DNAJC8: variants seen among roughly 807,000 people sequenced by gnomAD.
DNAJC8 encodes the protein dnaJ homolog subfamily C member 8.
A neutral mutation model predicts 43.2 loss-of-function variants in DNAJC8; 24 were observed. That is an observed-to-expected ratio of 0.56 (90% confidence interval 0.40 to 0.78). The LOEUF is 0.78. Among genes scored for constraint, DNAJC8 ranks in the 30% least tolerant of loss-of-function variants. The probability of loss-of-function intolerance (pLI) is 0.00; values close to 1 mark genes in which losing one functional copy is unlikely to be tolerated. For missense variants in DNAJC8, 207 were observed against 299.4 expected, an observed-to-expected ratio of 0.69 and a Z score of 2.28; for synonymous variants, 83 against 98.0, an observed-to-expected ratio of 0.85 and a Z score of 0.90.
intron 3 of DNAJC8, among the ~76,000 whole-genome samples, chr1:28,212,011 G>T (rs1486340651): frequency 6.6e-6 from 1 of 150,476 alleles, no homozygotes; most frequent in East Asian, 2.0e-4. Flanking sequence ...CAAAAATTTG[G>T]CAGGCACAGT....
At chr1:28,206,310 G>T (rs1646768069) in intron 6 of DNAJC8, among the ~76,000 whole-genome samples, 1 of 152,090 alleles carries the variant, frequency 6.6e-6, no homozygotes, top group Non-Finnish European at 1.5e-5. Context: ...AGAGTGCAGT[G>T]GTGTGATCAT....
intron 2 of DNAJC8, among the ~76,000 whole-genome samples, chr1:28,218,407 T>C (rs1327542696): frequency 4.6e-5 from 7 of 151,600 alleles, no homozygotes; most frequent in African/African-American, 1.7e-4. Flanking sequence ...AAGCAACACT[T>C]CTTTAAACAA....
Position 28,214,996 on chromosome 1 carries a change from C to A in DNAJC8, c.181G>T (p.Val61Phe). ...GTAACTTCAGGATCTATCTGAAGAA[C>A]CTGGAAGTATCAAAATCAAAACCAT... is the stretch of plus-strand genomic sequence containing the variant. Reference protein sequence around the residue: ...SSYFNLNPFEVLQIDPEVTDE... With the variant: ...SSYFNLNPFEFLQIDPEVTDE... Residue 61 changes from valine (V) to phenylalanine (F), a missense_variant and splice_region_variant, in exon 3 of 9, where the codon GTT (valine) becomes TTT (phenylalanine). By Grantham distance (50) the Val-to-Phe change is conservative. Coordinates refer to ENST00000263697, the MANE Select transcript of DNAJC8 (RefSeq NM_014280.3). The A allele has an allele frequency of 6.2e-7, 1 of 1,605,090 alleles. No individual in the cohort carries two copies. Among genetic ancestry groups the A allele is most frequent in the East Asian group, 2.2e-5 (1 of 44,664 alleles).
chr1:28,204,000 C>T (rs1431782470), intron 7 of DNAJC8, among the ~76,000 whole-genome samples, 178 bp from the exon 8 acceptor site: 2 of 152,132 alleles, frequency 1.3e-5, no homozygotes, highest in African/African-American at 2.4e-5. Context: ...TTCTAAAACA[C>T]GCAGATCAGA....
Position 28,208,413 on chromosome 1 carries a change from C to T in DNAJC8, c.400G>A (p.Val134Met), listed in dbSNP as rs1440490783. 1 of 1,609,492 alleles carries T rather than the reference C, an allele frequency of 6.2e-7. No individual in the cohort carries two copies. The highest frequency in any genetic ancestry group is 8.5e-7 in the Non-Finnish European group (1 of 1,177,090). The stretch of plus-strand genomic sequence containing the variant: ...TTTAATTGTTTTTTTCGCTCTTTCA[C>T]CTAAAAAGAATTTTTTTTCATCAAA... ...QAGKEYVEHT[V>M]KERKKQLKKE... is the part of the protein sequence containing the mutation. Residue 134 changes from valine (V) to methionine (M), a missense_variant and splice_region_variant, in exon 6 of 9, where the codon GTG becomes ATG. Coordinates refer to ENST00000263697, the MANE Select transcript of DNAJC8 (RefSeq NM_014280.3).
intron 2 of DNAJC8, among the ~76,000 whole-genome samples, chr1:28,227,280 G>C (rs545206076): frequency 2.0e-5 from 3 of 149,038 alleles, no homozygotes; most frequent in Non-Finnish European, 4.5e-5. Flanking sequence ...ATGGAGGCAG[G>C]CACCTGTAAT....
At chr1:28,210,135 G>A (rs752177956) in intron 4 of DNAJC8, 69 bp from the exon 5 acceptor site, 11 of 1,345,840 alleles carry the variant, frequency 8.2e-6, no homozygotes, top group African/African-American at 2.9e-5. Context: ...TACTCAGGCA[G>A]TGTAAATGGA....
Position 28,210,010 on chromosome 1 carries a change from C to T in DNAJC8, c.361G>A (p.Asp121Asn). The change falls in exon 5 of 9, where the codon GAT (aspartate) becomes AAT (asparagine). Residue 121 changes from aspartate (D) to asparagine (N), a missense_variant. Physicochemically the swap from Asp to Asn is conservative, Grantham distance 23 (BLOSUM62 1). Coordinates refer to ENST00000263697, the MANE Select transcript of DNAJC8 (RefSeq NM_014280.3). ...LDQEQKKRAL[D>N]VIQAGKEYVE... ...TATTCTTTTCCTGCCTGAATTACAT[C>T]CAGGGCCCTCTTCTTTTGCTCCTGA... 6.2e-7 allele frequency: 1 copy of T among 1,614,058 alleles called. No homozygotes were observed. Among genetic ancestry groups the T allele is most frequent in the Non-Finnish European group, 8.5e-7 (1 of 1,179,938 alleles).
intron 2 of DNAJC8, among the ~76,000 whole-genome samples, chr1:28,216,194 C>T (rs1403249408): frequency 6.6e-6 from 1 of 152,078 alleles, no homozygotes; most frequent in Admixed American, 6.5e-5. Flanking sequence ...ACTAAAAATA[C>T]AATATTAGCC....
intron 2 of DNAJC8, among the ~76,000 whole-genome samples, chr1:28,226,002 C>T (rs181170243): frequency 6.6e-6 from 1 of 150,624 alleles, no homozygotes; most frequent in Admixed American, 6.6e-5. Flanking sequence ...CCACACCTGG[C>T]CAAAATGGCA....
chr1:28,222,343 G>A (rs966204509), intron 2 of DNAJC8, among the ~76,000 whole-genome samples: 3 of 151,716 alleles, frequency 2.0e-5, no homozygotes, highest in Admixed American at 6.6e-5. Flanking sequence ...AAAATTAGCC[G>A]GATGTGGTGG....
chr1:28,203,085 T>C (rs1646747931), intron 8 of DNAJC8, among the ~76,000 whole-genome samples: 1 of 152,208 alleles, frequency 6.6e-6, no homozygotes, highest in South Asian at 2.1e-4. Context: ...GTACAATGCC[T>C]AGCGAGTTGT....
intron 5 of DNAJC8, 115 bp downstream of exon 5, chr1:28,209,857 A>C (rs1646798654): frequency 2.3e-6 from 2 of 851,712 alleles, no homozygotes. Flanking sequence ...TAGAGAGCAC[A>C]GAAGTAGCCA....
rs562749941 is a variant in DNAJC8 at position 28,200,752 on chromosome 1, G to T, written c.*496C>A. The stretch of plus-strand genomic sequence containing the variant: ...ACCACAGGGCATCAGATGCTGCTCT[G>T]TGTGCTCACAAGTGTTCCCTGTCTT... On this transcript the variant is annotated 3_prime_UTR_variant, in exon 9 of 9. Transcript: ENST00000263697. 93 of 447,350 alleles carry T rather than the reference G, an allele frequency of 2.1e-4. 1 individual carries two copies. Among genetic ancestry groups the T allele is most frequent in the African/African-American group, 1.8e-3 (90 of 49,882 alleles). 27.7% of individuals were successfully genotyped at this position (447,350 alleles called of 1,614,324 possible).
intron 6 of DNAJC8, among the ~76,000 whole-genome samples, chr1:28,205,936 C>T (rs1421723794): frequency 6.6e-6 from 1 of 152,022 alleles, no homozygotes; most frequent in Non-Finnish European, 1.5e-5. Flanking sequence ...GTAGATCCAG[C>T]GTTTCAAGAG....
At chr1:28,222,924 T>C (rs1035226718) in intron 2 of DNAJC8, among the ~76,000 whole-genome samples, 1 of 152,034 alleles carries the variant, frequency 6.6e-6, no homozygotes, top group Non-Finnish European at 1.5e-5. Context: ...CAGCGCAGGA[T>C]ATCAGGGCCC....
intron 3 of DNAJC8, among the ~76,000 whole-genome samples, chr1:28,213,538 C>A (rs1490823639): frequency 2.0e-5 from 3 of 152,124 alleles, no homozygotes; most frequent in African/African-American, 7.2e-5. Context: ...GAAACAAGCA[C>A]ACCACTGGAT....
chr1:28,220,592 C>G (rs1415978701), intron 2 of DNAJC8, among the ~76,000 whole-genome samples: 1 of 152,160 alleles, frequency 6.6e-6, no homozygotes, highest in Non-Finnish European at 1.5e-5. Context: ...AATCCACTCC[C>G]AAGATGAGGA....
intron 7 of DNAJC8, among the ~76,000 whole-genome samples, chr1:28,204,788 G>A (rs929863477): frequency 6.6e-6 from 1 of 151,976 alleles, no homozygotes; most frequent in African/African-American, 2.4e-5. Flanking sequence ...ACTTTGGGAG[G>A]GCAAGGCAGG....
Sources: gnomAD v4.1 joint callset for allele counts (sites outside exome capture counted in the v4.1 genomes callset) on GRCh38, gnomAD v4.1.1 for gene constraint, MANE v1.5 for transcripts, NCBI Gene and HGNC (gene_info 2026-07-23, HGNC 2026-07-21) for gene names.